The following TAF1 variants were observed in gnomAD, a reference collection of about 807,000 sequenced individuals.
TAF1 encodes the protein TATA-box binding protein associated factor 1.
Under a neutral mutation model 138.5 loss-of-function variants are expected in TAF1, and 2 were observed. That is an observed-to-expected ratio of 0.01 (90% CI 0.01 to 0.05). TAF1 has a LOEUF of 0.05. Among genes scored for constraint, TAF1 ranks in the 10% least tolerant of loss-of-function variants. The pLI, the probability that TAF1 is intolerant of heterozygous loss-of-function variation, is 1.00. For missense variants in TAF1, 709 were observed against 1,478.0 expected (o/e 0.48, Z 8.53); for synonymous variants, 437 against 503.2 (o/e 0.87, Z 1.76).
intron 32 of TAF1, among the ~76,000 whole-genome samples, chrX:71,425,923 T>C (rs1400617165): frequency 1.8e-5 from 2 of 111,025 alleles, no homozygotes; most frequent in African/African-American, 6.5e-5. Context: ...ACTTAAATTT[T>C]ATTACTATAA....
At chrX:71,412,316 CAA>C (rs1433841732) in intron 28 of TAF1, among the ~76,000 whole-genome samples, 4 of 108,230 alleles carry the variant, frequency 3.7e-5, no homozygotes, top group Admixed American at 1.0e-4. Flanking sequence ...TTTGTAGAGA[CAA>C]GAGTCTCACT....
At chrX:71,429,134 G>A (rs983002260) in intron 32 of TAF1, among the ~76,000 whole-genome samples, 14 of 110,486 alleles carry the variant, frequency 1.3e-4, no homozygotes, top group Non-Finnish European at 2.5e-4. Context: ...AATTAGCCGG[G>A]CGTGGTGGCG....
chrX:71,514,821 G>A (rs773997971), intron 13 of TAF1, among the ~76,000 whole-genome samples: 1 of 111,735 alleles, frequency 8.9e-6, no homozygotes, highest in African/African-American at 3.2e-5. Context: ...AGGCAGACTG[G>A]GATGGAGGGG....
chrX:71,450,495 G>T (rs918752729), intron 32 of TAF1, among the ~76,000 whole-genome samples: 8 of 112,394 alleles, frequency 7.1e-5, no homozygotes, highest in African/African-American at 2.6e-4. Context: ...GAGCCACTGC[G>T]CCTGGCCTGT....
chrX:71,495,906 C>A lies in TAF1; in HGVS notation c.1367-32636C>A, dbSNP rs34794428. On this transcript the variant is annotated intron_variant and NMD_transcript_variant, in intron 13 of 14. Transcript: ENST00000373775. Reference sequence around the variant, plus strand: ...TACATGTTACACTGTTAACTTTCAGCAAACTTTACTTTTGTTGAAAACCTT... The same window carrying A: ...TACATGTTACACTGTTAACTTTCAGAAAACTTTACTTTTGTTGAAAACCTT... Among the ~76,000 whole-genome samples the A allele has an allele frequency of 1.2e-3, 130 of 112,106 alleles. 1 individual carries two copies. The highest frequency in any genetic ancestry group is 4.0e-3 in the African/African-American group (123 of 30,912).
chrX:71,366,574 T>A, intron 1 of TAF1, 80 bp downstream of exon 1: 1 of 973,032 alleles, frequency 1.0e-6, no homozygotes, highest in Non-Finnish European at 1.4e-6. Context: ...AAGGAGAGGG[T>A]GCTCAGGCAG....
chrX:71,511,557 A>G (rs888237946), intron 13 of TAF1, among the ~76,000 whole-genome samples: 37 of 112,704 alleles, frequency 3.3e-4, no homozygotes, highest in African/African-American at 1.1e-3. Flanking sequence ...TCTCTCTTCT[A>G]TGTATAAATG....
intron 25 of TAF1, 33 bp downstream of exon 25, chrX:71,401,772 C>T (rs2035185551): frequency 2.5e-6 from 3 of 1,179,466 alleles, no homozygotes; most frequent in Non-Finnish European, 2.3e-6. Context: ...TGCTATGGGA[C>T]AGATTTATTT....
chrX:71,510,489 G>T (rs1425720987), intron 13 of TAF1, among the ~76,000 whole-genome samples: 2 of 111,888 alleles, frequency 1.8e-5, no homozygotes, highest in Non-Finnish European at 3.8e-5. Flanking sequence ...ATATAGAAAA[G>T]CTTTTCAAAT....
intron 16 of TAF1, 57 bp downstream of exon 16, chrX:71,388,435 G>A: frequency 1.7e-6 from 2 of 1,169,448 alleles, no homozygotes; most frequent in South Asian, 2.0e-5. Context: ...AATTTTGATG[G>A]CTTTGAGTTA....
At chrX:71,403,846 A>C (rs1299217896) in intron 25 of TAF1, among the ~76,000 whole-genome samples, 2 of 108,901 alleles carry the variant, frequency 1.8e-5, no homozygotes, top group South Asian at 7.9e-4. Context: ...TAACATAATT[A>C]ATTTTGATGC....
downstream of TAF1, among the ~76,000 whole-genome samples, chrX:71,466,982 C>T (rs147166059): frequency 2.0e-5 from 2 of 99,796 alleles, no homozygotes; most frequent in Non-Finnish European, 3.9e-5. Context: ...TGACTCTTTA[C>T]GAAGTAGGAA....
intron 27 of TAF1, 25 bp downstream of exon 27, chrX:71,407,697 A>G (rs367637799): frequency 3.9e-5 from 46 of 1,171,312 alleles, no homozygotes; most frequent in African/African-American, 5.3e-5. Context: ...TTGGATATCT[A>G]TAGTAGGGAT....
intron 32 of TAF1, among the ~76,000 whole-genome samples, chrX:71,432,767 C>T (rs1393600442): frequency 8.9e-6 from 1 of 111,830 alleles, no homozygotes; most frequent in Non-Finnish European, 1.9e-5. Context: ...GGGGGAATAT[C>T]TCAGAGCAGC....
chrX:71,493,377 T>C (rs928261556), intron 13 of TAF1, among the ~76,000 whole-genome samples: 1 of 112,353 alleles, frequency 8.9e-6, no homozygotes, highest in Non-Finnish European at 1.9e-5. Flanking sequence ...CTAGCCCTTA[T>C]GAAATGTGCT....
At chrX:71,400,629 C>CA (rs1445062676) in intron 24 of TAF1, among the ~76,000 whole-genome samples, 2 of 111,875 alleles carry the variant, frequency 1.8e-5, no homozygotes, top group African/African-American at 6.5e-5. Context: ...GATCTGAATT[C>CA]AGGTTCTGTT....
intron 29 of TAF1, among the ~76,000 whole-genome samples, chrX:71,422,322 A>ATTT (rs757749745): frequency 1.1e-5 from 1 of 94,489 alleles, no homozygotes. Flanking sequence ...TTTTACTGGA[A>ATTT]TTTTTTTTTT....
intron 6 of TAF1, 83 bp from the exon 7 acceptor site, chrX:71,378,152 C>A: frequency 1.0e-6 from 1 of 977,090 alleles, no homozygotes. Context: ...TCTAAGTTCC[C>A]CTCCTGACTG....
At chrX:71,417,019 CAAA>C (rs1277682886) in intron 28 of TAF1, among the ~76,000 whole-genome samples, 7 of 57,673 alleles carry the variant, frequency 1.2e-4, no homozygotes, top group African/African-American at 1.2e-4. Flanking sequence ...GACCCTGTCT[CAAA>C]AAAAAAAAAA....
Sources: allele counts gnomAD v4.1 joint callset (sites outside exome capture counted in the v4.1 genomes callset), GRCh38; gene constraint gnomAD v4.1.1; transcripts MANE v1.5; gene names NCBI Gene and HGNC (gene_info 2026-07-23, HGNC 2026-07-21).